The following KRAS variants were observed in gnomAD, a reference collection of about 807,000 sequenced individuals.
KRAS encodes GTPase KRas.
KRAS carries 1 observed loss-of-function variant against 21.0 expected under a neutral mutation model. That is an observed-to-expected ratio of 0.05 (90% CI 0.02 to 0.23). The LOEUF (loss-of-function observed/expected upper bound fraction) is 0.23. KRAS is among the 10% of genes least tolerant of loss of function. The probability of loss-of-function intolerance (pLI) is 1.00; values close to 1 mark genes in which losing one functional copy is unlikely to be tolerated. For missense variants in KRAS, 107 were observed against 221.8 expected (o/e 0.48, Z 3.29); for synonymous variants, 67 against 72.5 (o/e 0.92, Z 0.39).
Position 25,210,050 on chromosome 12 carries a change from T to C in KRAS, c.451-139A>G, listed in dbSNP as rs146453444. 1.7e-3 allele frequency: 943 copies of C among 555,314 alleles called. 7 individuals carry two copies. The highest frequency in any genetic ancestry group is 0.015 in the Middle Eastern group (43 of 2,914). 34.4% of individuals were successfully genotyped at this position (555,314 alleles called of 1,614,324 possible). Reference sequence around the variant, plus strand: ...CAGGCAACTGAATATATATTACATATATTAGGACTTTTAGAATTCTTAAAT... The same window carrying C: ...CAGGCAACTGAATATATATTACATACATTAGGACTTTTAGAATTCTTAAAT... On this transcript the variant is annotated intron_variant, in intron 4 of 4. Transcript: ENST00000311936.
At chr12:25,230,366 T>G (rs1565886255) in intron 2 of KRAS, among the ~76,000 whole-genome samples, 1 of 152,172 alleles carries the variant, frequency 6.6e-6, no homozygotes, top group South Asian at 2.1e-4. Context: ...CGATGGCTCA[T>G]GTCTGTAATC....
In KRAS at chr12:25,245,254, C is replaced by T. The variant is rs534412138; in HGVS notation, c.111+20G>A. 4 of 1,589,458 alleles carry T rather than the reference C, an allele frequency of 2.5e-6. No individual in the cohort carries two copies. The South Asian group carries it at 4.5e-5, about 18-fold the overall frequency. On this transcript the variant is annotated intron_variant, in intron 2 of 4. Coordinates refer to ENST00000311936, the MANE Select transcript of KRAS (RefSeq NM_004985.5). ...AGAATGGTCCTGCACCAGTAATATGCATATTAAAACAAGATTTACCTCTAT... is the reference window on the plus strand; with the variant it reads ...AGAATGGTCCTGCACCAGTAATATGTATATTAAAACAAGATTTACCTCTAT...
Position 25,205,566 on chromosome 12 carries a change from A to G in KRAS, c.*4229T>C, listed in dbSNP as rs1951127348. 4.6e-6 allele frequency: 1 copy of G among 216,552 alleles called. No homozygotes were observed. The highest frequency in any genetic ancestry group is 9.3e-6 in the Non-Finnish European group (1 of 107,260). The allele number at this position is 216,552 out of a possible 1,614,324, so 13.4% of individuals were successfully genotyped here. On this transcript the variant is annotated 3_prime_UTR_variant, in exon 5 of 5. Coordinates refer to ENST00000311936, the MANE Select transcript of KRAS (RefSeq NM_004985.5). ...AGGTAAACATGTTACATTAAGAAAT[A>G]GTACTAGTAAGAAATTGGCACTCAA...
chr12:25,239,702 T>C (rs954463473), intron 2 of KRAS, among the ~76,000 whole-genome samples: 2 of 152,180 alleles, frequency 1.3e-5, no homozygotes, highest in East Asian at 3.9e-4. Flanking sequence ...GAAAACGGTC[T>C]AGAAGCAGTG....
intron 2 of KRAS, among the ~76,000 whole-genome samples, chr12:25,244,853 T>C (rs1276290912): frequency 6.6e-6 from 1 of 152,172 alleles, no homozygotes; most frequent in African/African-American, 2.4e-5. Flanking sequence ...AGGAAAATAC[T>C]GCTGATGAAG....
intron 4 of KRAS, among the ~76,000 whole-genome samples, chr12:25,224,709 C>T (rs1035229864): frequency 1.3e-5 from 2 of 152,044 alleles, no homozygotes; most frequent in Non-Finnish European, 2.9e-5. Context: ...GTCATTAGTA[C>T]AGTTACATAC....
At chr12:25,225,024 G>C (rs1951372806) in intron 4 of KRAS, 1 of 151,708 alleles carries the variant, frequency 6.6e-6, no homozygotes, top group African/African-American at 2.4e-5. Flanking sequence ...TTAAAACAAA[G>C]ATGATTTTTG....
At chr12:25,220,721 C>A (rs1454309582) in intron 4 of KRAS, among the ~76,000 whole-genome samples, 35 of 135,770 alleles carry the variant, frequency 2.6e-4, no homozygotes, top group South Asian at 2.4e-4. Flanking sequence ...GAGACCGTCT[C>A]AAAAAAAAAA....
chr12:25,225,783 A>C lies in KRAS; in HGVS notation c.291-10T>G, dbSNP rs546144798. 2 of 1,605,084 alleles carry C rather than the reference A, an allele frequency of 1.2e-6. No individual in the cohort carries two copies. Among genetic ancestry groups the C allele is most frequent in the East Asian group, 2.2e-5 (1 of 44,682 alleles). On this transcript the variant is annotated splice_polypyrimidine_tract_variant and intron_variant, in intron 3 of 4. Transcript: ENST00000311936. ...TCTTTTAATTTGTTCTCTGGGAAAG[A>C]AAAAAAAGTTATAGCACAGTCATTA...
intron 1 of KRAS, among the ~76,000 whole-genome samples, chr12:25,246,609 A>C: frequency 6.6e-6 from 1 of 152,086 alleles, no homozygotes; most frequent in East Asian, 1.9e-4. Context: ...TTTTAGTAAG[A>C]AAACAGCTGT....
intron 1 of KRAS, among the ~76,000 whole-genome samples, chr12:25,246,951 A>G (rs758294436): frequency 8.5e-5 from 13 of 152,092 alleles, no homozygotes; most frequent in Non-Finnish European, 1.9e-4. Context: ...ATATCTCAGT[A>G]ATCAGTAATC....
Position 25,208,505 on chromosome 12 carries a change from T to A in KRAS, c.*1290A>T. ...TGTAAAACTTTTTCACTTCATTGTT[T>A]AAAAAAAAAATTAATGTCTTGGCAC... On this transcript the variant is annotated 3_prime_UTR_variant, in exon 5 of 5. Coordinates refer to ENST00000311936, the MANE Select transcript of KRAS (RefSeq NM_004985.5). The A allele has an allele frequency of 4.4e-6, 1 of 227,232 alleles. No homozygotes were observed. The highest frequency in any genetic ancestry group is 8.7e-6 in the Non-Finnish European group (1 of 114,592). 14.1% of individuals were successfully genotyped at this position (227,232 alleles called of 1,614,324 possible). A position where few individuals can be genotyped will look rare whatever the true frequency, so the allele number is the denominator to read the frequency against.
chr12:25,225,138 A>C (rs1307129703), intron 4 of KRAS: 3 of 151,932 alleles, frequency 2.0e-5, no homozygotes, highest in Non-Finnish European at 4.4e-5. Flanking sequence ...TTCTTTAATG[A>C]GACCTTTCTC....
In KRAS at chr12:25,225,559, A is replaced by C. The variant is rs891166330; in HGVS notation, c.450+55T>G. 4.0e-6 allele frequency: 6 copies of C among 1,517,288 alleles called. No individual in the cohort carries two copies. The African/African-American group carries it at 4.1e-5, about 10-fold the overall frequency. The allele number at this position is 1,517,288 out of a possible 1,614,324, so 94.0% of individuals were successfully genotyped here. Reference sequence around the variant, plus strand: ...GAGAAAAACTGATATATTAAATGACATAACAGTTATGATTTTGCAGAAAAC... The same window carrying C: ...GAGAAAAACTGATATATTAAATGACCTAACAGTTATGATTTTGCAGAAAAC... On this transcript the variant is annotated intron_variant, in intron 4 of 4. Transcript: ENST00000311936.
chr12:25,220,453 G>A (rs962056835), intron 4 of KRAS, among the ~76,000 whole-genome samples: 1 of 152,162 alleles, frequency 6.6e-6, no homozygotes, highest in Non-Finnish European at 1.5e-5. Context: ...GTACAGCTGG[G>A]CACAGTGGCT....
chr12:25,232,292 A>C (rs954294358), intron 2 of KRAS, among the ~76,000 whole-genome samples: 8 of 152,224 alleles, frequency 5.3e-5, no homozygotes, highest in African/African-American at 1.7e-4. Flanking sequence ...GGAATAGTTA[A>C]ATAGCTGTTT....
chr12:25,220,987 T>C lies in KRAS; in HGVS notation c.450+4627A>G, dbSNP rs1489774383. 5.4e-5 allele frequency among the ~76,000 whole-genome samples: 7 copies of C among 128,814 alleles called. No homozygotes were observed. The East Asian group carries it at 1.4e-3, about 26-fold the overall frequency. 84.5% of individuals were successfully genotyped at this position (128,814 alleles called of 152,430 possible). A position where few individuals can be genotyped will look rare whatever the true frequency, so the allele number is the denominator to read the frequency against. ...TTGCAATCAGCCAAGATCCCACCAC[T>C]GCACTCCAGCCTGGGTGACAGAGGG... On this transcript the variant is annotated intron_variant, in intron 4 of 4. Transcript: ENST00000311936.
At chr12:25,229,177 T>G (rs1375821899) in intron 2 of KRAS, among the ~76,000 whole-genome samples, 1 of 152,212 alleles carries the variant, frequency 6.6e-6, no homozygotes, top group African/African-American at 2.4e-5. Flanking sequence ...AATGCAAGTG[T>G]ACATGCTGGT....
chr12:25,250,702 G>C (rs1683920251), intron 1 of KRAS, 49 bp downstream of exon 1: 2 of 174,932 alleles, frequency 1.1e-5, no homozygotes, highest in South Asian at 1.8e-4. Flanking sequence ...CGCCGGCAAA[G>C]AGGGTCGGGA....
Sources: gnomAD v4.1 joint callset for allele counts (sites outside exome capture counted in the v4.1 genomes callset) on GRCh38, gnomAD v4.1.1 for gene constraint, MANE v1.5 for transcripts, NCBI Gene and HGNC (gene_info 2026-07-23, HGNC 2026-07-21) for gene names.